The following MACROD2 variants were observed in gnomAD, a reference collection of about 807,000 sequenced individuals.
MACROD2 encodes the protein mono-ADP ribosylhydrolase 2.
A neutral mutation model predicts 70.4 loss-of-function variants in MACROD2; 36 were observed. That is an observed-to-expected ratio of 0.51 (90% confidence interval 0.39 to 0.68). The LOEUF (loss-of-function observed/expected upper bound fraction) is 0.68, where lower values mean the gene tolerates loss of function less well. MACROD2 is among the 30% of genes least tolerant of loss of function. The pLI, the probability that MACROD2 is intolerant of heterozygous loss-of-function variation, is 0.00. For missense variants in MACROD2, 496 were observed against 538.4 expected (o/e 0.92, Z 0.78); for synonymous variants, 172 against 178.8 (o/e 0.96, Z 0.30).
chr20:15,889,971 A>G (rs1234462954), intron 10 of MACROD2, among the ~76,000 whole-genome samples: 1 of 152,120 alleles, frequency 6.6e-6, no homozygotes, highest in Non-Finnish European at 1.5e-5. Flanking sequence ...CCAAGAGGGA[A>G]AGTTGTTCCT....
chr20:15,333,310 G>C (rs1600253646), intron 6 of MACROD2, among the ~76,000 whole-genome samples: 1 of 151,630 alleles, frequency 6.6e-6, no homozygotes, highest in African/African-American at 2.4e-5. Flanking sequence ...TCTTTAGAGG[G>C]TCAGTAGCCT....
Position 15,507,731 on chromosome 20 carries a change from A to G in MACROD2, c.645+7884A>G, listed in dbSNP as rs543894421. ...CCACACAAGAGTTTGCCAAGTGGAC[A>G]GATCCACCGACACTTCCAGCTTCAC... On this transcript the variant is annotated intron_variant, in intron 8 of 17. Coordinates refer to ENST00000684519, the MANE Select transcript of MACROD2 (RefSeq NM_001351661.2). 7.2e-5 allele frequency among the ~76,000 whole-genome samples: 11 copies of G among 152,274 alleles called. No homozygotes were observed. In the South Asian group the frequency reaches 1.9e-3, roughly 26 times the overall value.
At chr20:15,628,113 G>A (rs1354819469) in intron 8 of MACROD2, among the ~76,000 whole-genome samples, 1 of 152,156 alleles carries the variant, frequency 6.6e-6, no homozygotes, top group African/African-American at 2.4e-5. Context: ...CTATATGGGA[G>A]GGAGATGGTA....
intron 8 of MACROD2, among the ~76,000 whole-genome samples, chr20:15,630,729 G>C (rs547395201): frequency 6.6e-6 from 1 of 152,342 alleles, no homozygotes; most frequent in South Asian, 2.1e-4. Context: ...AAATGCAAGG[G>C]AGAGGGTGGT....
intron 8 of MACROD2, among the ~76,000 whole-genome samples, chr20:15,735,584 T>G (rs1159288333): frequency 2.0e-5 from 3 of 152,182 alleles, no homozygotes; most frequent in African/African-American, 7.2e-5. Flanking sequence ...ATAAATGGAA[T>G]TGATTGCTTT....
intron 2 of MACROD2, among the ~76,000 whole-genome samples, chr20:14,044,697 T>G (rs1422021759): frequency 6.6e-6 from 1 of 152,130 alleles, no homozygotes; most frequent in Non-Finnish European, 1.5e-5. Flanking sequence ...ATTGGTGTGT[T>G]TACAATCCCT....
At chr20:15,458,634 T>TG (rs1555823474) in intron 7 of MACROD2, among the ~76,000 whole-genome samples, 54 of 126,816 alleles carry the variant, frequency 4.3e-4, no homozygotes, top group African/African-American at 1.7e-3. Context: ...TTTGTTTTTT[T>TG]TTTTTAAAAA....
chr20:14,142,207 G>T (rs1280114780), intron 3 of MACROD2, among the ~76,000 whole-genome samples: 1 of 152,114 alleles, frequency 6.6e-6, no homozygotes, highest in Non-Finnish European at 1.5e-5. Context: ...TTCTCAGGAA[G>T]ATTTAAAGAA....
chr20:14,762,064 G>A (rs561461312), intron 5 of MACROD2, among the ~76,000 whole-genome samples: 1 of 151,976 alleles, frequency 6.6e-6, no homozygotes, highest in Admixed American at 6.6e-5. Context: ...CACCCTCTCC[G>A]CTCAGGGCCT....
At chr20:15,683,869 C>A (rs549007945) in intron 8 of MACROD2, among the ~76,000 whole-genome samples, 1 of 152,062 alleles carries the variant, frequency 6.6e-6, no homozygotes, top group African/African-American at 2.4e-5. Flanking sequence ...TGTGAGCCAT[C>A]GCGCCTGGCT....
intron 2 of MACROD2, among the ~76,000 whole-genome samples, chr20:14,067,775 A>G (rs2148659292): frequency 6.6e-6 from 1 of 152,300 alleles, no homozygotes; most frequent in South Asian, 2.1e-4. Flanking sequence ...TTATTTAAAG[A>G]ACTTCTGGAT....
chr20:14,613,048 T>C (rs1983266832), intron 4 of MACROD2, among the ~76,000 whole-genome samples: 1 of 152,136 alleles, frequency 6.6e-6, no homozygotes, highest in Non-Finnish European at 1.5e-5. Flanking sequence ...CTGTGATTTT[T>C]ATAAGTCGCA....
At chr20:15,094,537 G>T (rs537965248) in intron 5 of MACROD2, among the ~76,000 whole-genome samples, 1 of 152,176 alleles carries the variant, frequency 6.6e-6, no homozygotes, top group East Asian at 1.9e-4. Flanking sequence ...AAACAAATTT[G>T]ACTCTTGTAT....
At chr20:15,960,461 T>G (rs1476663770) in intron 12 of MACROD2, among the ~76,000 whole-genome samples, 2 of 152,154 alleles carry the variant, frequency 1.3e-5, no homozygotes, top group Non-Finnish European at 1.5e-5. Flanking sequence ...ATCTTGGTTT[T>G]CTAAGTTTCG....
At chr20:15,285,746 T>C (rs1275836387) in intron 6 of MACROD2, among the ~76,000 whole-genome samples, 1 of 152,168 alleles carries the variant, frequency 6.6e-6, no homozygotes, top group African/African-American at 2.4e-5. Flanking sequence ...TTTATTTCGA[T>C]GTATGGCAGT....
At chr20:15,302,443 C>A (rs2077656198) in intron 6 of MACROD2, among the ~76,000 whole-genome samples, 1 of 151,756 alleles carries the variant, frequency 6.6e-6, no homozygotes, top group Non-Finnish European at 1.5e-5. Context: ...ATATTTTATA[C>A]TCTTGTCTGC....
chr20:14,648,491 T>C (rs1010016101), intron 4 of MACROD2, among the ~76,000 whole-genome samples: 1 of 152,116 alleles, frequency 6.6e-6, no homozygotes, highest in African/African-American at 2.4e-5. Flanking sequence ...GGATTTAAAC[T>C]AGGGAGGATC....
At chr20:15,540,833 G>T (rs2047945973) in intron 8 of MACROD2, among the ~76,000 whole-genome samples, 1 of 152,116 alleles carries the variant, frequency 6.6e-6, no homozygotes, top group African/African-American at 2.4e-5. Context: ...AGAAGCATCA[G>T]CCCAATCTCC....
chr20:14,960,783 G>C (rs1047213871), intron 5 of MACROD2, among the ~76,000 whole-genome samples: 1 of 152,020 alleles, frequency 6.6e-6, no homozygotes, highest in African/African-American at 2.4e-5. Flanking sequence ...CCTTTGGAAG[G>C]GGGGCTTCTT....
Sources: gnomAD v4.1 joint callset for allele counts (sites outside exome capture counted in the v4.1 genomes callset) on GRCh38, gnomAD v4.1.1 for gene constraint, MANE v1.5 for transcripts, NCBI Gene and HGNC (gene_info 2026-07-23, HGNC 2026-07-21) for gene names.